ROR2: variants seen among roughly 807,000 people sequenced by gnomAD.
ROR2 encodes tyrosine-protein kinase transmembrane receptor ROR2.
ROR2 carries 33 observed loss-of-function variants against 74.9 expected under a neutral mutation model. That is an observed-to-expected ratio of 0.44 (90% CI 0.33 to 0.59). The LOEUF is 0.59. Among genes scored for constraint, ROR2 ranks in the 20% least tolerant of loss-of-function variants. ROR2 has a pLI of 0.02. For missense variants in ROR2, 1,216 were observed against 1,313.8 expected, an observed-to-expected ratio of 0.93 and a Z score of 1.15; for synonymous variants, 586 against 558.7, an observed-to-expected ratio of 1.05 and a Z score of -0.69.
At chr9:91,949,774 G>T in intron 1 of ROR2, 93 bp downstream of exon 1, 7 of 835,408 alleles carry the variant, frequency 8.4e-6, no homozygotes, top group Non-Finnish European at 9.9e-6. Context: ...CATGGGCGCC[G>T]GCGCAGCGGC....
At chr9:91,742,366 G>A (rs1387219021) in intron 4 of ROR2, among the ~76,000 whole-genome samples, 4 of 152,190 alleles carry the variant, frequency 2.6e-5, no homozygotes, top group African/African-American at 9.7e-5. Context: ...TACAATTCAA[G>A]TTGAGATTTG....
At position 91,725,015 on chromosome 9, in the gene ROR2, G is replaced by C; in HGVS notation, c.1479C>G (p.Phe493Leu). 6.2e-7 allele frequency: 1 copy of C among 1,613,872 alleles called. No individual in the cohort carries two copies. The highest frequency in any genetic ancestry group is 8.5e-7 in the Non-Finnish European group (1 of 1,180,034). The change falls in exon 9 of 9, where the codon TTC becomes TTG. Residue 493 changes from phenylalanine (F) to leucine (L), a missense_variant. Coordinates refer to ENST00000375708, the MANE Select transcript of ROR2 (RefSeq NM_004560.4). ...RFGKVYKGHL[F>L]GPAPGEQTQA... ...GGGTCTGCTCCCCCGGGGCAGGGCC[G>C]AACAGGTGACCTTTGTAGACTTTCC...
intron 1 of ROR2, among the ~76,000 whole-genome samples, chr9:91,909,420 G>A (rs943277768): frequency 6.6e-5 from 10 of 152,070 alleles, no homozygotes; most frequent in Non-Finnish European, 5.9e-5. Context: ...GAGTGTAGTG[G>A]CCTACAGCCT....
At chr9:91,790,439 G>A (rs950592111) in intron 1 of ROR2, among the ~76,000 whole-genome samples, 1 of 151,208 alleles carries the variant, frequency 6.6e-6, no homozygotes, top group Non-Finnish European at 1.5e-5. Flanking sequence ...GAACCTGGGA[G>A]AAGGAGACTG....
At position 91,730,922 on chromosome 9, in the gene ROR2, C is replaced by G; in HGVS notation, c.1171G>C (p.Val391Leu). 1 of 1,614,160 alleles carries G rather than the reference C, an allele frequency of 6.2e-7. No individual in the cohort carries two copies. Among genetic ancestry groups the G allele is most frequent in the South Asian group, 1.1e-5 (1 of 91,072 alleles). The part of the protein sequence containing the change: ...NKNVRMELCD[V>L]PSCSPRDSSK... ...AGAGAATACATACTACACGAGGGTA[C>G]GTCACACAGTTCCATGCGTACGTTT... Residue 391 changes from valine to leucine, a missense_variant, in exon 7 of 9, where the codon GTA becomes CTA. Transcript: ENST00000375708.
chr9:91,893,625 G>C (rs1233444023), intron 1 of ROR2, among the ~76,000 whole-genome samples: 2 of 152,082 alleles, frequency 1.3e-5, no homozygotes, highest in African/African-American at 4.8e-5. Context: ...TCCCCTTTGG[G>C]AGTTTGCATC....
At chr9:91,890,941 C>G (rs940471219) in intron 1 of ROR2, among the ~76,000 whole-genome samples, 1 of 152,070 alleles carries the variant, frequency 6.6e-6, no homozygotes, top group Non-Finnish European at 1.5e-5. Flanking sequence ...TTAAAATGCC[C>G]TCATGTGGAT....
chr9:91,907,277 TC>T (rs1449046746), intron 1 of ROR2, among the ~76,000 whole-genome samples: 1 of 152,062 alleles, frequency 6.6e-6, no homozygotes, highest in Non-Finnish European at 1.5e-5. Flanking sequence ...CCCAGACTCC[TC>T]CTCACATTAA....
intron 2 of ROR2, among the ~76,000 whole-genome samples, chr9:91,767,487 A>G (rs1485744164): frequency 6.6e-6 from 1 of 152,264 alleles, no homozygotes; most frequent in Non-Finnish European, 1.5e-5. Context: ...AGGAAGATCA[A>G]GAAAACTTTA....
rs764125558 is a variant in ROR2, at chr9:91,915,107, G to A, written c.97+34760C>T. Among the ~76,000 whole-genome samples, 106 of 152,072 alleles carry A rather than the reference G, an allele frequency of 7.0e-4. 1 individual carries two copies. The highest frequency in any genetic ancestry group is 7.5e-4 in the Non-Finnish European group (51 of 68,010). On this transcript the variant is annotated intron_variant, in intron 1 of 8. Coordinates refer to ENST00000375708, the MANE Select transcript of ROR2 (RefSeq NM_004560.4). ...TCCGTACCTCACCCTGCTACCTGGC[G>A]TTTATGGTTGCTGAAGTCTCAACCC...
intron 1 of ROR2, among the ~76,000 whole-genome samples, chr9:91,896,653 A>G (rs1177518051): frequency 1.3e-5 from 2 of 152,138 alleles, no homozygotes; most frequent in Non-Finnish European, 2.9e-5. Context: ...TTCCCCTTAA[A>G]GTTTAAACTC....
intron 4 of ROR2, among the ~76,000 whole-genome samples, chr9:91,746,336 C>A (rs750071603): frequency 2.9e-4 from 44 of 152,328 alleles, no homozygotes; most frequent in Non-Finnish European, 2.8e-4. Context: ...CCTGGCCTCC[C>A]AAAGTGCTGG....
chr9:91,925,497 T>TGTGC, intron 1 of ROR2, among the ~76,000 whole-genome samples: 1 of 144,304 alleles, frequency 6.9e-6, no homozygotes, highest in South Asian at 2.2e-4. Flanking sequence ...TGTGTGTGTG[T>TGTGC]GCAGCATGCA....
intron 2 of ROR2, among the ~76,000 whole-genome samples, chr9:91,772,034 A>C (rs1826247753): frequency 6.6e-6 from 1 of 152,250 alleles, no homozygotes; most frequent in Admixed American, 6.5e-5. Context: ...CTCTATGAGC[A>C]AAAACGTGCA....
At chr9:91,744,536 G>GAATGTTAACTGAA (rs893083390) in intron 4 of ROR2, among the ~76,000 whole-genome samples, 20 of 152,184 alleles carry the variant, frequency 1.3e-4, no homozygotes, top group Non-Finnish European at 2.5e-4. Context: ...AAGCTGAAAT[G>GAATGTTAACTGAA]TGTTAACTGA....
In ROR2 at chr9:91,818,710, A is replaced by G. The variant is rs149635613; in HGVS notation, c.98-42892T>C. Among the ~76,000 whole-genome samples, 722 of 152,296 alleles carry G rather than the reference A, an allele frequency of 4.7e-3. 5 individuals carry two copies. The highest frequency in any genetic ancestry group is 0.017 in the African/African-American group (688 of 41,560). On this transcript the variant is annotated intron_variant, in intron 1 of 8. Transcript: ENST00000375708. ...GTATCCATGAGAAAACAGAAAGAAC[A>G]GAGTGGGCTCAGGGGGTCTTAGCGA...
chr9:91,882,243 C>T (rs1306426776), intron 1 of ROR2, among the ~76,000 whole-genome samples: 1 of 151,966 alleles, frequency 6.6e-6, no homozygotes, highest in Non-Finnish European at 1.5e-5. Flanking sequence ...AACCCTATCT[C>T]TACTAAAAAT....
intron 1 of ROR2, among the ~76,000 whole-genome samples, chr9:91,934,275 A>G (rs1242205162): frequency 6.6e-6 from 1 of 152,238 alleles, no homozygotes; most frequent in Non-Finnish European, 1.5e-5. Flanking sequence ...ATAGAAAATT[A>G]AAGCAGTCCA....
At chr9:91,949,034 CG>C (rs1564057788) in intron 1 of ROR2, 1 of 728,382 alleles carries the variant, frequency 1.4e-6, no homozygotes, top group Non-Finnish European at 1.7e-6. Context: ...CGCAGGGACT[CG>C]GGGGAAGTGG....
Sources: allele counts gnomAD v4.1 joint callset (sites outside exome capture counted in the v4.1 genomes callset), GRCh38; gene constraint gnomAD v4.1.1; transcripts MANE v1.5; gene names NCBI Gene and HGNC (gene_info 2026-07-23, HGNC 2026-07-21).